ARMH3: variants seen among roughly 807,000 people sequenced by gnomAD.
ARMH3 encodes armadillo-like helical domain-containing protein 3.
Under a neutral mutation model 99.1 loss-of-function variants are expected in ARMH3, and 60 were observed. The ratio of observed to expected loss-of-function variants is 0.61; its 90% CI spans 0.49 to 0.75. ARMH3 has a LOEUF of 0.75. Ranked by LOEUF, ARMH3 falls within the 30% of genes least tolerant of loss-of-function variation. The probability of loss-of-function intolerance (pLI) is 0.00; values close to 1 mark genes in which losing one functional copy is unlikely to be tolerated. For missense variants in ARMH3, 679 were observed against 843.1 expected (o/e 0.81, Z 2.41); for synonymous variants, 285 against 292.8 (o/e 0.97, Z 0.27).
At chr10:101,902,646 C>T (rs1020573950) in intron 23 of ARMH3, among the ~76,000 whole-genome samples, 3 of 151,938 alleles carry the variant, frequency 2.0e-5, no homozygotes, top group African/African-American at 7.2e-5. Flanking sequence ...TACTTTCTAC[C>T]ACAGCTCTTT....
intron 20 of ARMH3, among the ~76,000 whole-genome samples, chr10:101,960,592 A>C (rs1845249440): frequency 6.6e-6 from 1 of 152,060 alleles, no homozygotes; most frequent in African/African-American, 2.4e-5. Context: ...TCTTTCTACC[A>C]TGCCATTAAG....
At chr10:101,957,837 G>C in intron 20 of ARMH3, 105 bp from the exon 21 acceptor site, 1 of 1,421,786 alleles carries the variant, frequency 7.0e-7, no homozygotes, top group Non-Finnish European at 9.3e-7. Context: ...GTTAGAGTGA[G>C]TAAGTCTCAG....
At chr10:102,000,697 G>A (rs769004101) in intron 15 of ARMH3, among the ~76,000 whole-genome samples, 1 of 151,450 alleles carries the variant, frequency 6.6e-6, no homozygotes, top group African/African-American at 2.4e-5. Context: ...CTGAGCCCAG[G>A]AAGTCAAGGC....
rs535473245 is a variant in ARMH3 at position 101,847,439 on chromosome 10, C to T, written c.*89G>A. 91 of 1,340,278 alleles carry T rather than the reference C, an allele frequency of 6.8e-5. No individual in the cohort carries two copies. The African/African-American group carries it at 1.1e-3, about 16-fold the overall frequency. The allele number at this position is 1,340,278 out of a possible 1,614,324, so 83.0% of individuals were successfully genotyped here. ...TGGTATCTGTGTTTCTCTCCAACCT[C>T]GGGGGCAGCCCCCTCTCCCCTCGCT... On this transcript the variant is annotated 3_prime_UTR_variant, in exon 26 of 26. Coordinates refer to ENST00000370033, the MANE Select transcript of ARMH3 (RefSeq NM_024541.3).
At chr10:101,905,689 G>A (rs1403899003) in intron 23 of ARMH3, among the ~76,000 whole-genome samples, 1 of 152,170 alleles carries the variant, frequency 6.6e-6, no homozygotes, top group Non-Finnish European at 1.5e-5. Context: ...AGAAAGGTAG[G>A]TTGGGATCAA....
intron 17 of ARMH3, 127 bp downstream of exon 17, chr10:101,993,411 G>T (rs909597059): frequency 1.6e-6 from 1 of 613,942 alleles, no homozygotes; most frequent in Admixed American, 3.5e-5. Flanking sequence ...TTGAACAGCC[G>T]TCATGCAAAG....
intron 23 of ARMH3, among the ~76,000 whole-genome samples, chr10:101,906,542 G>T (rs1007069690): frequency 1.3e-5 from 2 of 152,202 alleles, no homozygotes; most frequent in Non-Finnish European, 2.9e-5. Context: ...TGGGGAAGAA[G>T]AATTTACTTG....
intron 2 of ARMH3, among the ~76,000 whole-genome samples, chr10:102,034,855 C>G (rs1304694302): frequency 6.6e-6 from 1 of 151,918 alleles, no homozygotes; most frequent in African/African-American, 2.4e-5. Flanking sequence ...TCACGGAGAG[C>G]TGAGATCATG....
chr10:102,008,586 T>G (rs1461976493), intron 13 of ARMH3, among the ~76,000 whole-genome samples: 1 of 152,098 alleles, frequency 6.6e-6, no homozygotes, highest in African/African-American at 2.4e-5. Flanking sequence ...AGAGTCTCAC[T>G]CTGTCACCCA....
At chr10:101,907,336 T>C (rs572430701) in intron 23 of ARMH3, among the ~76,000 whole-genome samples, 3 of 151,944 alleles carry the variant, frequency 2.0e-5, no homozygotes, top group Admixed American at 2.0e-4. Flanking sequence ...TTCAACAAAG[T>C]GTGAATAGAA....
chr10:101,998,306 G>T (rs1198937779), intron 15 of ARMH3, among the ~76,000 whole-genome samples: 1 of 152,152 alleles, frequency 6.6e-6, no homozygotes, highest in Non-Finnish European at 1.5e-5. Context: ...AGAAGCAATG[G>T]CTTCAAGAAA....
intron 2 of ARMH3, among the ~76,000 whole-genome samples, chr10:102,039,208 A>T (rs934115909): frequency 1.5e-4 from 23 of 151,916 alleles, no homozygotes; most frequent in African/African-American, 4.6e-4. Flanking sequence ...GTAGTGGCAC[A>T]ATCTCGGCTC....
chr10:101,852,777 G>A (rs1352621875), intron 24 of ARMH3, among the ~76,000 whole-genome samples: 3 of 150,964 alleles, frequency 2.0e-5, no homozygotes, highest in African/African-American at 7.3e-5. Context: ...AAAAGAAAAA[G>A]AAAAGAAAAA....
intron 23 of ARMH3, among the ~76,000 whole-genome samples, chr10:101,922,979 A>G (rs896013572): frequency 2.6e-5 from 4 of 152,194 alleles, no homozygotes; most frequent in Non-Finnish European, 5.9e-5. Context: ...ATGCATTAGT[A>G]CACTCCATGT....
intron 22 of ARMH3, among the ~76,000 whole-genome samples, chr10:101,948,472 C>G (rs984652067): frequency 1.3e-5 from 2 of 152,016 alleles, no homozygotes; most frequent in Non-Finnish European, 2.9e-5. Flanking sequence ...TAAAGTCAGA[C>G]AAAACAGAAT....
intron 22 of ARMH3, among the ~76,000 whole-genome samples, chr10:101,941,752 A>G (rs1207056774): frequency 6.6e-6 from 1 of 152,236 alleles, no homozygotes; most frequent in Non-Finnish European, 1.5e-5. Context: ...CACTGAGTGC[A>G]TGTGAGAATT....
At chr10:101,893,826 A>C (rs2067752824) in intron 23 of ARMH3, among the ~76,000 whole-genome samples, 2 of 152,272 alleles carry the variant, frequency 1.3e-5, no homozygotes, top group South Asian at 4.1e-4. Flanking sequence ...TTCCCTTCTC[A>C]CCATTACACT....
intron 24 of ARMH3, among the ~76,000 whole-genome samples, chr10:101,851,791 A>G (rs1434853831): frequency 1.3e-5 from 2 of 152,182 alleles, no homozygotes; most frequent in Non-Finnish European, 2.9e-5. Flanking sequence ...CCCTTCAGAC[A>G]CCCAGCTCTA....
At chr10:101,858,443 T>G (rs2066783891) in intron 24 of ARMH3, among the ~76,000 whole-genome samples, 1 of 152,246 alleles carries the variant, frequency 6.6e-6, no homozygotes, top group African/African-American at 2.4e-5. Flanking sequence ...AAGCTTTCTA[T>G]GCTTGGCACA....
Sources: allele counts gnomAD v4.1 joint callset (sites outside exome capture counted in the v4.1 genomes callset), GRCh38; gene constraint gnomAD v4.1.1; transcripts MANE v1.5; gene names NCBI Gene and HGNC (gene_info 2026-07-23, HGNC 2026-07-21).